Variants in UPP2 observed in about 807,000 individuals in gnomAD.
UPP2 encodes the protein uridine phosphorylase 2.
UPP2 carries 23 observed loss-of-function variants against 26.7 expected under a neutral mutation model. The observed-to-expected ratio is 0.86, with a 90% confidence interval of 0.62 to 1.22. The LOEUF is 1.22. Among genes scored for constraint, UPP2 ranks in the 50% most tolerant of loss-of-function variants. The probability of loss-of-function intolerance (pLI) is 0.00; values close to 1 mark genes in which losing one functional copy is unlikely to be tolerated. For missense variants in UPP2, 387 were observed against 396.7 expected (o/e 0.98, Z 0.21); for synonymous variants, 127 against 141.3 (o/e 0.90, Z 0.72).
chr2:158,097,455 C>T (rs1220965463), upstream of UPP2, among the ~76,000 whole-genome samples: 1 of 152,076 alleles, frequency 6.6e-6, no homozygotes, highest in African/African-American at 2.4e-5. Flanking sequence ...AAATTTTCCT[C>T]AGGCAAATTT....
intron 2 of UPP2, among the ~76,000 whole-genome samples, chr2:158,112,865 A>C (rs1470323940): frequency 6.6e-6 from 1 of 152,158 alleles, no homozygotes; most frequent in Non-Finnish European, 1.5e-5. Flanking sequence ...ATTAGGCAAA[A>C]TCCTTAACAT....
intron 3 of UPP2, among the ~76,000 whole-genome samples, chr2:158,071,376 C>A (rs1414502439): frequency 2.6e-5 from 4 of 151,734 alleles, no homozygotes; most frequent in African/African-American, 9.7e-5. Context: ...CATGGTGAAA[C>A]CCTGTCTCTA....
chr2:158,124,813 T>C (rs920765717), intron 6 of UPP2, among the ~76,000 whole-genome samples: 14 of 152,086 alleles, frequency 9.2e-5, no homozygotes, highest in Non-Finnish European at 1.3e-4. Context: ...AAGCATGAGG[T>C]TGCCATAACT....
At chr2:157,997,994 A>T (rs1046509494) in intron 2 of UPP2, among the ~76,000 whole-genome samples, 26 of 152,338 alleles carry the variant, frequency 1.7e-4, no homozygotes, top group Middle Eastern at 6.8e-3. Context: ...AACCTGGGGA[A>T]CATGTGTGAG....
chr2:158,045,480 A>G lies in UPP2; in HGVS notation c.147+29594A>G, dbSNP rs138721383. On this transcript the variant is annotated intron_variant, in intron 3 of 9. Transcript: ENST00000605860. Reference sequence around the variant, plus strand: ...TAGGAACATCCAGGTAATTTGGGGTACTGAAGTGGCATGAGCATTTCGCTC... The same window carrying G: ...TAGGAACATCCAGGTAATTTGGGGTGCTGAAGTGGCATGAGCATTTCGCTC... Among the ~76,000 whole-genome samples, 7 of 152,298 alleles carry G rather than the reference A, an allele frequency of 4.6e-5. No individual in the cohort carries two copies. In the East Asian group the frequency reaches 1.4e-3, roughly 29 times the overall value.
chr2:158,093,201 G>A (rs979266472), intron 3 of UPP2, among the ~76,000 whole-genome samples: 6 of 152,068 alleles, frequency 3.9e-5, no homozygotes, highest in East Asian at 1.9e-4. Context: ...GATTACAGGC[G>A]TGAGCCATTG....
intron 3 of UPP2, among the ~76,000 whole-genome samples, chr2:158,053,488 A>G (rs191830174): frequency 1.4e-4 from 22 of 152,286 alleles, no homozygotes; most frequent in Admixed American, 1.1e-3. Flanking sequence ...CCTAACTCCC[A>G]TACCATATTG....
At chr2:158,070,042 G>C (rs1341250458) in intron 3 of UPP2, among the ~76,000 whole-genome samples, 1 of 152,140 alleles carries the variant, frequency 6.6e-6, no homozygotes, top group Non-Finnish European at 1.5e-5. Context: ...TCTCAACCTT[G>C]AGTGCAGGGA....
At chr2:158,067,664 T>C (rs920461756) in intron 3 of UPP2, among the ~76,000 whole-genome samples, 1 of 149,346 alleles carries the variant, frequency 6.7e-6, no homozygotes, top group Non-Finnish European at 1.5e-5. Context: ...CCCATTTTTT[T>C]ATTTCATTAC....
chr2:158,001,957 CAAAAAAAA>C (rs200818827), intron 2 of UPP2, among the ~76,000 whole-genome samples: 17,153 of 66,024 alleles, frequency 0.26, 1,487 homozygotes, highest in African/African-American at 0.41. Context: ...GAATGAGCAC[CAAAAAAAA>C]AAAAAAAAAA....
intron 3 of UPP2, among the ~76,000 whole-genome samples, chr2:158,068,804 T>TATATATA (rs1682489452): frequency 4.8e-4 from 7 of 14,612 alleles, no homozygotes; most frequent in Non-Finnish European, 5.8e-4. Context: ...ATATATATAT[T>TATATATA]TTTTTTTTTT....
chr2:158,095,002 A>AG (rs1682964407), intron 3 of UPP2, among the ~76,000 whole-genome samples: 1 of 152,192 alleles, frequency 6.6e-6, no homozygotes, highest in Admixed American at 6.5e-5. Context: ...GGCCAGTCAC[A>AG]GGCAGTGAGG....
At position 158,065,796 on chromosome 2, in the gene UPP2, T is replaced by C. The variant is rs1477738265; in HGVS notation, c.148-36244T>C. ...ACCATCCAACCAGATTGATGACTGGTTAAGTCTTGTGAAAATTAAGTTTCA... is the reference window on the plus strand; with the variant it reads ...ACCATCCAACCAGATTGATGACTGGCTAAGTCTTGTGAAAATTAAGTTTCA... On this transcript the variant is annotated intron_variant, in intron 3 of 9. Coordinates refer to the UPP2 transcript ENST00000605860. 20 of 701,966 alleles carry C rather than the reference T, an allele frequency of 2.8e-5. No homozygotes were observed. In the Admixed American group the frequency reaches 4.0e-4, roughly 14 times the overall value. 43.5% of individuals were successfully genotyped at this position (701,966 alleles called of 1,614,324 possible). A position where few individuals can be genotyped will look rare whatever the true frequency, so the allele number is the denominator to read the frequency against.
intron 3 of UPP2, among the ~76,000 whole-genome samples, chr2:158,076,509 G>T (rs1411789078): frequency 6.6e-6 from 1 of 152,054 alleles, no homozygotes; most frequent in Non-Finnish European, 1.5e-5. Context: ...TGCAAGGATG[G>T]TTCAACATAC....
chr2:158,041,475 T>C (rs1456158922), intron 3 of UPP2, among the ~76,000 whole-genome samples: 1 of 78,744 alleles, frequency 1.3e-5, no homozygotes, highest in South Asian at 3.0e-4. Flanking sequence ...GAGTCTCTTT[T>C]AATTCTCTGA....
chr2:158,024,171 C>A (rs1305049920), intron 3 of UPP2, among the ~76,000 whole-genome samples: 3 of 152,074 alleles, frequency 2.0e-5, no homozygotes, highest in South Asian at 2.1e-4. Context: ...ATATAGGGAT[C>A]CCCTGGAGCA....
At chr2:158,123,648 T>C (rs1683624635) in intron 5 of UPP2, 101 bp from the exon 6 acceptor site, 2 of 1,409,866 alleles carry the variant, frequency 1.4e-6, no homozygotes, top group South Asian at 1.4e-5. Context: ...GCTGTAGAGT[T>C]AGACAGCGGC....
chr2:158,092,532 T>C (rs915245454), intron 3 of UPP2, among the ~76,000 whole-genome samples: 1 of 152,188 alleles, frequency 6.6e-6, no homozygotes, highest in Non-Finnish European at 1.5e-5. Context: ...CAAAGATAGT[T>C]TTCAGCTCAA....
intron 3 of UPP2, among the ~76,000 whole-genome samples, chr2:158,030,731 A>G (rs11690619): frequency 0.072 from 10,923 of 152,304 alleles, 470 homozygotes; most frequent in Non-Finnish European, 0.099. Context: ...GACAGCCAGG[A>G]TAACTAAATG....
Sources: gnomAD v4.1 joint callset for allele counts (sites outside exome capture counted in the v4.1 genomes callset) on GRCh38, gnomAD v4.1.1 for gene constraint, MANE v1.5 for transcripts, NCBI Gene and HGNC (gene_info 2026-07-23, HGNC 2026-07-21) for gene names.